NFKBIZ: variants seen among roughly 807,000 people sequenced by gnomAD.
The protein encoded by NFKBIZ is NFKB inhibitor zeta.
In NFKBIZ, 19 loss-of-function variants were observed where a neutral mutation model predicts 76.8. That is an observed-to-expected ratio of 0.25 (90% CI 0.17 to 0.36). The LOEUF is 0.36. Among genes scored for constraint, NFKBIZ ranks in the 10% least tolerant of loss-of-function variants. NFKBIZ has a pLI of 1.00. For missense variants in NFKBIZ, 829 were observed against 910.9 expected (o/e 0.91, Z 1.16); for synonymous variants, 368 against 354.8 (o/e 1.04, Z -0.42).
chr3:101,855,332 G>T, intron 7 of NFKBIZ, 63 bp from the exon 8 acceptor site: 1 of 1,606,988 alleles, frequency 6.2e-7, no homozygotes, highest in Non-Finnish European at 8.5e-7. Context: ...CATTTCTTGG[G>T]GATTCTAATA....
chr3:101,845,545 TC>T (rs903437729), upstream of NFKBIZ, among the ~76,000 whole-genome samples: 78 of 152,130 alleles, frequency 5.1e-4, no homozygotes, highest in African/African-American at 1.8e-3. Context: ...AAGCAATACT[TC>T]CTGCCATGGC....
upstream of NFKBIZ, chr3:101,849,036 G>C (rs913855734): frequency 6.6e-6 from 1 of 152,600 alleles, no homozygotes; most frequent in Non-Finnish European, 1.5e-5. Context: ...CAGGCAGAGG[G>C]GTGCGGGGCG....
rs770603018 is a variant in NFKBIZ at position 101,857,375 on chromosome 3, G to C, written c.2019G>C (p.Met673Ile). Residue 673 changes from methionine to isoleucine, a missense_variant, in exon 11 of 12, where the codon ATG (methionine) becomes ATC (isoleucine). By Grantham distance (10) the Met-to-Ile change is conservative. Coordinates refer to ENST00000326172, the MANE Select transcript of NFKBIZ (RefSeq NM_031419.4). Reference sequence around the variant, plus strand: ...AATTAGATGCTGTCCGCCTGTTGATGAGGAAGGGAGCAGACCCAAGTACTC... The same window carrying C: ...AATTAGATGCTGTCCGCCTGTTGATCAGGAAGGGAGCAGACCCAAGTACTC... Reference protein sequence around the residue: ...LTQLDAVRLLMRKGADPSTRN... With the variant: ...LTQLDAVRLLIRKGADPSTRN... 1 of 1,614,258 alleles carries C rather than the reference G, an allele frequency of 6.2e-7. No individual in the cohort carries two copies. Among genetic ancestry groups the C allele is most frequent in the South Asian group, 1.1e-5 (1 of 91,090 alleles).
intron 2 of NFKBIZ, among the ~76,000 whole-genome samples, chr3:101,834,465 A>T (rs922162765): frequency 6.6e-6 from 1 of 151,846 alleles, no homozygotes; most frequent in Non-Finnish European, 1.5e-5. Context: ...GGTTCAAGCA[A>T]TTCTCCTGCC....
rs139114058 is a variant in NFKBIZ, at chr3:101,831,433, A to T, written c.-12+1745A>T. The stretch of plus-strand genomic sequence containing the variant: ...TAAATGCTCTGGATGTACTTATTCA[A>T]CTGAGGTCAAAAGATTTTTCTGTGG... On this transcript the variant is annotated intron_variant, in intron 2 of 12. Transcript: ENST00000394054. 2.6e-3 allele frequency among the ~76,000 whole-genome samples: 403 copies of T among 152,256 alleles called. 2 individuals are homozygous for T. The highest frequency in any genetic ancestry group is 9.4e-3 in the African/African-American group (391 of 41,534).
At chr3:101,847,681 A>G (rs2107408284), upstream of NFKBIZ, among the ~76,000 whole-genome samples, 1 of 152,342 alleles carries the variant, frequency 6.6e-6, no homozygotes, top group Non-Finnish European at 1.5e-5. Flanking sequence ...ATATGGAAAC[A>G]TAGAAAAGAA....
chr3:101,855,777 G>A lies in NFKBIZ; in HGVS notation c.1699G>A (p.Val567Ile). The A allele has an allele frequency of 6.2e-7, 1 of 1,613,682 alleles. No individual in the cohort carries two copies. Among genetic ancestry groups the A allele is most frequent in the Non-Finnish European group, 8.5e-7 (1 of 1,179,862 alleles). Residue 567 changes from valine (V) to isoleucine (I), a missense_variant, in exon 9 of 12, where the codon GTC (valine) becomes ATC (isoleucine). This residue lies in a region of NFKBIZ where 272 missense variants were observed against 384.2 expected (regional missense o/e 0.71). Coordinates refer to ENST00000326172, the MANE Select transcript of NFKBIZ (RefSeq NM_031419.4). ...HCAVIAHNAV[V>I]HELQRNQQPH... ...TGCAGTCATAGCCCACAATGCTGTG[G>A]TCCATGAACTCCAGAGAAATCAACA...
intron 1 of NFKBIZ, among the ~76,000 whole-genome samples, chr3:101,829,139 C>T (rs1463477046): frequency 1.3e-5 from 2 of 152,140 alleles, no homozygotes; most frequent in African/African-American, 2.4e-5. Flanking sequence ...CCTCAGAATA[C>T]GGTGTATGGT....
At chr3:101,851,196 C>T (rs1576814621) in intron 1 of NFKBIZ, among the ~76,000 whole-genome samples, 1 of 152,126 alleles carries the variant, frequency 6.6e-6, no homozygotes, top group Admixed American at 6.5e-5. Context: ...CTTGATGGAG[C>T]GGCTGAATTA....
rs557155082 is a variant in NFKBIZ, at chr3:101,849,904, C to T, written c.276C>T (p.Ala92=). 2.8e-6 allele frequency: 4 copies of T among 1,427,456 alleles called. No homozygotes were observed. Among genetic ancestry groups the T allele is most frequent in the African/African-American group, 1.5e-5 (1 of 66,800 alleles). The allele number at this position is 1,427,456 out of a possible 1,614,324, so 88.4% of individuals were successfully genotyped here. Residue 92 remains alanine, a synonymous_variant, in exon 1 of 12, where the codon GCC becomes GCT. Transcript: ENST00000326172. The stretch of plus-strand genomic sequence containing the variant: ...CCCGGTCGAGAGGCGGCGCCCGCGC[C>T]GAGCGCCAGCCAGGTACCCGCCGGC... ...VESRSRGGAR[A]ERQPVEPHMG...
At chr3:101,851,681 A>G (rs1942967272) in intron 1 of NFKBIZ, among the ~76,000 whole-genome samples, 1 of 152,234 alleles carries the variant, frequency 6.6e-6, no homozygotes. Context: ...AAAGTCAAGA[A>G]TAATTATAGA....
chr3:101,858,310 T>C (rs1943081510), intron 11 of NFKBIZ: 1 of 963,688 alleles, frequency 1.0e-6, no homozygotes, highest in Non-Finnish European at 1.2e-6. Context: ...AATATTTCTA[T>C]AGTTTGTAAA....
chr3:101,858,290 A>G (rs899552123), intron 11 of NFKBIZ: 24 of 965,404 alleles, frequency 2.5e-5, no homozygotes, highest in African/African-American at 3.5e-5. Context: ...GCTCTTTGTA[A>G]TTTAGAAAGA....
upstream of NFKBIZ, among the ~76,000 whole-genome samples, chr3:101,847,763 C>G (rs575350088): frequency 9.8e-5 from 15 of 152,322 alleles, no homozygotes; most frequent in Admixed American, 3.3e-4. Flanking sequence ...ACTTAAACAT[C>G]ATTTTGTGGG....
At chr3:101,857,485 G>A in intron 11 of NFKBIZ, 26 bp downstream of exon 11, 1 of 1,612,536 alleles carries the variant, frequency 6.2e-7, no homozygotes, top group Non-Finnish European at 8.5e-7. Flanking sequence ...GGGAGAGGAA[G>A]TATTTTTTGG....
intron 8 of NFKBIZ, 34 bp downstream of exon 8, chr3:101,855,492 A>G: frequency 6.3e-7 from 1 of 1,582,188 alleles, no homozygotes; most frequent in Non-Finnish European, 8.7e-7. Context: ...ATTCAGAGCC[A>G]CTTAGGGGGA....
chr3:101,840,302 CATCATTAT>C (rs1942771898), intron 2 of NFKBIZ, among the ~76,000 whole-genome samples: 1 of 152,118 alleles, frequency 6.6e-6, no homozygotes, highest in Non-Finnish European at 1.5e-5. Context: ...GGGTAAAGTT[CATCATTAT>C]AAATAGAAAC....
rs1252324611 is a variant in NFKBIZ, at chr3:101,853,672, T to C, written c.1146T>C (p.Cys382=). 6.2e-7 allele frequency: 1 copy of C among 1,614,264 alleles called. No individual in the cohort carries two copies. The highest frequency in any genetic ancestry group is 8.5e-7 in the Non-Finnish European group (1 of 1,180,042). ...TCAGCATGATGCCCAGCAGCGCCTG[T>C]GAGGCCATGGTGGGGCACGAGATGG... The part of the protein sequence containing the change: ...HSFSMMPSSA[C]EAMVGHEMAS... Residue 382 remains cysteine (C), a synonymous_variant, in exon 5 of 12, where the codon TGT becomes TGC. Coordinates refer to ENST00000326172, the MANE Select transcript of NFKBIZ (RefSeq NM_031419.4).
At chr3:101,857,976 G>T in intron 11 of NFKBIZ, 2 of 824,756 alleles carry the variant, frequency 2.4e-6, no homozygotes, top group Non-Finnish European at 2.9e-6. Flanking sequence ...TTCAAACCTA[G>T]AAATATTTTG....
Sources: allele counts gnomAD v4.1 joint callset (sites outside exome capture counted in the v4.1 genomes callset), GRCh38; gene constraint gnomAD v4.1.1; regional missense constraint gnomAD v4.1.1; transcripts MANE v1.5; gene names NCBI Gene and HGNC (gene_info 2026-07-23, HGNC 2026-07-21).